ANKRD36C: variants seen among roughly 807,000 people sequenced by gnomAD.
The protein encoded by ANKRD36C is ankyrin repeat domain-containing protein 36C.
ANKRD36C carries 61 observed loss-of-function variants against 276.4 expected under a neutral mutation model. The ratio of observed to expected loss-of-function variants is 0.22; its 90% CI spans 0.18 to 0.27. The LOEUF is 0.27. Ranked by LOEUF, ANKRD36C falls within the 10% of genes least tolerant of loss-of-function variation. The pLI is 1.00. For synonymous variants in ANKRD36C, 483 were observed against 680.1 expected (o/e 0.71, Z 4.51); for missense variants, 1,447 against 2,032.3 (o/e 0.71, Z 5.54).
intron 1 of ANKRD36C, among the ~76,000 whole-genome samples, chr2:95,987,473 T>C (rs1332703853): frequency 1.3e-5 from 2 of 151,916 alleles, no homozygotes; most frequent in Non-Finnish European, 2.9e-5. Context: ...ATCAATAAAA[T>C]ATATAAGAGA....
chr2:95,891,304 G>C (rs1676347946), intron 46 of ANKRD36C, among the ~76,000 whole-genome samples: 2 of 151,310 alleles, frequency 1.3e-5, no homozygotes, highest in African/African-American at 4.8e-5. Context: ...GTCTTTTCTT[G>C]GCAGTACAAT....
chr2:95,897,089 C>G (rs962363369), intron 44 of ANKRD36C, among the ~76,000 whole-genome samples, 181 bp downstream of exon 60: 3 of 150,166 alleles, frequency 2.0e-5, no homozygotes, highest in African/African-American at 7.4e-5. Context: ...AATCTTACGG[C>G]GAAGATCACG....
At chr2:95,980,578 A>G in intron 5 of ANKRD36C, 70 bp downstream of exon 5, 2 of 1,541,870 alleles carry the variant, frequency 1.3e-6, no homozygotes, top group Non-Finnish European at 1.8e-6. Context: ...CCTGATATAT[A>G]AGATGCAATT....
intron 46 of ANKRD36C, among the ~76,000 whole-genome samples, chr2:95,890,426 T>C (rs552505102): frequency 2.2e-4 from 33 of 151,608 alleles, no homozygotes; most frequent in African/African-American, 6.8e-4. Context: ...TGCTCTTTAA[T>C]TTGCCCAATA....
chr2:95,897,369 A>G, intron 44 of ANKRD36C, 27 bp from the exon 60 acceptor site: 2 of 1,554,950 alleles, frequency 1.3e-6, no homozygotes, highest in African/African-American at 1.4e-5. Flanking sequence ...ATGAAATAAT[A>G]AATTAATAAA....
rs200097051 is a variant in ANKRD36C, at chr2:95,956,755, A to G, written c.1136+31T>C. The G allele has an allele frequency of 2.1e-4, 314 of 1,529,606 alleles. No individual in the cohort carries two copies. In the South Asian group the frequency reaches 3.5e-3, roughly 17 times the overall value. 94.8% of individuals were successfully genotyped at this position (1,529,606 alleles called of 1,614,324 possible). A position where few individuals can be genotyped will look rare whatever the true frequency, so the allele number is the denominator to read the frequency against. ...TATTCTCTCTATTAACTAAGTTAAC[A>G]TATCACTTTAAAAAATCTGTGAAAT... On this transcript the variant is annotated intron_variant, in intron 13 of 66. Transcript: ENST00000456556.
chr2:95,940,713 A>G (rs1210629945), intron 20 of ANKRD36C, among the ~76,000 whole-genome samples: 3 of 149,204 alleles, frequency 2.0e-5, no homozygotes, highest in Non-Finnish European at 3.0e-5. Context: ...ACATAAAGTG[A>G]GTTCCCTCAA....
intron 63 of ANKRD36C, 130 bp downstream of exon 83, chr2:95,855,135 TC>T: frequency 7.6e-7 from 1 of 1,321,972 alleles, no homozygotes. Flanking sequence ...AAGGAATGTT[TC>T]TAAGCAGATA....
chr2:95,982,141 CAATAATTA>C (rs1678936098), intron 4 of ANKRD36C, 107 bp downstream of exon 4: 1 of 774,364 alleles, frequency 1.3e-6, no homozygotes, highest in South Asian at 2.0e-5. Flanking sequence ...CACTATATCC[CAATAATTA>C]AAAGTTAGTC....
At chr2:95,875,068 T>C (rs1675912460) in intron 59 of ANKRD36C, among the ~76,000 whole-genome samples, 1 of 152,134 alleles carries the variant, frequency 6.6e-6, no homozygotes, top group Admixed American at 6.5e-5. Context: ...AGCAACACTT[T>C]TACACTGTTG....
At chr2:95,929,081 A>G (rs1677492559) in exon 26 of ANKRD36C, 6 of 1,603,834 alleles carry the variant, frequency 3.7e-6, no homozygotes, top group Non-Finnish European at 5.1e-6. Flanking sequence ...CCTGTCCCAG[A>G]TATTGGTCCC....
chr2:95,858,446 A>C (rs1393737893), intron 61 of ANKRD36C, among the ~76,000 whole-genome samples: 1 of 152,196 alleles, frequency 6.6e-6, no homozygotes, highest in African/African-American at 2.4e-5. Flanking sequence ...ATCCTGCATA[A>C]GTTTCTATTA....
intron 24 of ANKRD36C, among the ~76,000 whole-genome samples, chr2:95,930,972 G>A (rs367763915): frequency 6.6e-6 from 1 of 151,694 alleles, no homozygotes; most frequent in Admixed American, 6.6e-5. Flanking sequence ...GCCACAAGTC[G>A]CCTCATCAGA....
chr2:95,956,282 T>C (rs1319023599), intron 13 of ANKRD36C, among the ~76,000 whole-genome samples: 1 of 152,246 alleles, frequency 6.6e-6, no homozygotes, highest in African/African-American at 2.4e-5. Flanking sequence ...TATCTGCCTT[T>C]AAAATTTTGA....
intron 44 of ANKRD36C, 61 bp from the exon 65 acceptor site, chr2:95,891,921 T>G: frequency 6.5e-7 from 1 of 1,546,150 alleles, no homozygotes; most frequent in Non-Finnish European, 8.7e-7. Flanking sequence ...TATCCACACA[T>G]TCATGCAGTG....
At chr2:95,915,513 T>A (rs1380279164) in intron 38 of ANKRD36C, among the ~76,000 whole-genome samples, 1 of 151,514 alleles carries the variant, frequency 6.6e-6, no homozygotes, top group Non-Finnish European at 1.5e-5. Flanking sequence ...CCCACCTTCC[T>A]GCCTCACAAT....
intron 42 of ANKRD36C, among the ~76,000 whole-genome samples, chr2:95,911,527 T>C (rs1558636213): frequency 6.6e-6 from 1 of 151,512 alleles, no homozygotes; most frequent in African/African-American, 2.4e-5. Flanking sequence ...TATTCAAGTT[T>C]ATCTCATTTC....
chr2:95,937,457 C>G (rs1350718586), intron 22 of ANKRD36C, among the ~76,000 whole-genome samples: 2 of 152,172 alleles, frequency 1.3e-5, no homozygotes, highest in African/African-American at 4.8e-5. Flanking sequence ...TCATTTCTAC[C>G]AAAAATTCGT....
At chr2:95,911,690 T>C (rs1676930871) in intron 42 of ANKRD36C, among the ~76,000 whole-genome samples, 1 of 151,464 alleles carries the variant, frequency 6.6e-6, no homozygotes, top group African/African-American at 2.4e-5. Flanking sequence ...ATGCAAATGT[T>C]CCAAATGCAT....
Sources: gnomAD v4.1 joint callset for allele counts (sites outside exome capture counted in the v4.1 genomes callset) on GRCh38, gnomAD v4.1.1 for gene constraint, MANE v1.5 for transcripts, NCBI Gene and HGNC (gene_info 2026-07-23, HGNC 2026-07-21) for gene names.